CGNL1: variants seen among roughly 807,000 people sequenced by gnomAD.
CGNL1 encodes the protein cingulin-like protein 1.
A neutral mutation model predicts 141.2 loss-of-function variants in CGNL1; 132 were observed. That is an observed-to-expected ratio of 0.93 (90% CI 0.81 to 1.08). CGNL1 has a LOEUF of 1.08. CGNL1 is among the 50% of genes least tolerant of loss of function. The probability of loss-of-function intolerance (pLI) is 0.00; values close to 1 mark genes in which losing one functional copy is unlikely to be tolerated. For synonymous variants in CGNL1, 690 were observed against 622.1 expected (o/e 1.11, Z -1.63); for missense variants, 1,870 against 1,588.6 (o/e 1.18, Z -3.01).
chr15:57,428,751 G>A (rs143891344), intron 1 of CGNL1, among the ~76,000 whole-genome samples: 1,606 of 152,320 alleles, frequency 0.011, 17 homozygotes, highest in Middle Eastern at 0.017. Context: ...TGGGCCGGGC[G>A]TAGTGGCTCA....
chr15:57,403,402 C>G (rs1384812079), intron 1 of CGNL1, among the ~76,000 whole-genome samples: 2 of 152,152 alleles, frequency 1.3e-5, no homozygotes, highest in Non-Finnish European at 2.9e-5. Flanking sequence ...AACCTCCATG[C>G]AAAGAAACAC....
chr15:57,468,443 G>A (rs544567294), intron 8 of CGNL1, among the ~76,000 whole-genome samples: 2 of 151,614 alleles, frequency 1.3e-5, no homozygotes, highest in African/African-American at 2.4e-5. Context: ...CGTTGCTCAG[G>A]CTGGTCTTGA....
chr15:57,514,761 T>C (rs1352752172), intron 8 of CGNL1, among the ~76,000 whole-genome samples: 5 of 152,248 alleles, frequency 3.3e-5, no homozygotes, highest in African/African-American at 1.2e-4. Flanking sequence ...ATGATCCATT[T>C]TGAGTTAACT....
At chr15:57,477,876 T>C (rs1380050554) in intron 8 of CGNL1, among the ~76,000 whole-genome samples, 1 of 152,164 alleles carries the variant, frequency 6.6e-6, no homozygotes, top group Non-Finnish European at 1.5e-5. Context: ...CTCCTGCTGC[T>C]GAACTGGAGA....
At chr15:57,476,318 A>T (rs2063657355) in intron 8 of CGNL1, among the ~76,000 whole-genome samples, 1 of 152,170 alleles carries the variant, frequency 6.6e-6, no homozygotes, top group South Asian at 2.1e-4. Context: ...AGACGCAGGG[A>T]ACTTCTTGAA....
At position 57,524,703 on chromosome 15, in the gene CGNL1, G is replaced by T; in HGVS notation, c.2991G>T (p.Thr997=). ...AEMQRQLKEK[T]LEAEKSRLTA... ...TGCAAAGACAGTTGAAGGAGAAAAC[G>T]CTGGAGGCAGAAAAGTCCCGACTGA... Residue 997 remains threonine, a synonymous_variant, in exon 12 of 19, where the codon ACG becomes ACT. Transcript: ENST00000281282. 1 of 1,614,208 alleles carries T rather than the reference G, an allele frequency of 6.2e-7. No individual in the cohort carries two copies. The highest frequency in any genetic ancestry group is 8.5e-7 in the Non-Finnish European group (1 of 1,180,038).
At chr15:57,527,618 CACTG>C (rs1397939247) in intron 12 of CGNL1, 2 of 152,270 alleles carry the variant, frequency 1.3e-5, no homozygotes, top group East Asian at 1.9e-4. Flanking sequence ...AAGTTCAAGA[CACTG>C]ACTGGCCCTT....
intron 14 of CGNL1, among the ~76,000 whole-genome samples, chr15:57,536,529 A>G (rs181755214): frequency 8.2e-4 from 125 of 152,360 alleles, no homozygotes; most frequent in African/African-American, 2.9e-3. Context: ...AAATAGAAGT[A>G]AGGAGTATCT....
chr15:57,418,011 T>C (rs541500653), intron 1 of CGNL1, among the ~76,000 whole-genome samples: 75 of 152,038 alleles, frequency 4.9e-4, no homozygotes, highest in Non-Finnish European at 8.5e-4. Flanking sequence ...CTTTGGGGGT[T>C]GGTAGTAGAA....
At chr15:57,442,807 G>A (rs1389059315) in intron 4 of CGNL1, among the ~76,000 whole-genome samples, 2 of 152,174 alleles carry the variant, frequency 1.3e-5, no homozygotes, top group East Asian at 1.9e-4. Flanking sequence ...TTAGTAGGGT[G>A]AGGGTTTCAC....
At chr15:57,440,600 A>C in intron 3 of CGNL1, 129 bp downstream of exon 3, 1 of 718,422 alleles carries the variant, frequency 1.4e-6, no homozygotes, top group Non-Finnish European at 2.4e-6. Context: ...GTTAAAACTC[A>C]ATGGCTGGGG....
rs1369418172 is a variant in CGNL1, at chr15:57,549,376, G to C, written c.*1886G>C. 2 of 152,244 alleles carry C rather than the reference G, an allele frequency of 1.3e-5. No individual in the cohort carries two copies. Among genetic ancestry groups the C allele is most frequent in the Non-Finnish European group, 2.9e-5 (2 of 68,076 alleles). The allele number at this position is 152,244 out of a possible 1,614,324, so 9.4% of individuals were successfully genotyped here. A position where few individuals can be genotyped will look rare whatever the true frequency, so the allele number is the denominator to read the frequency against. On this transcript the variant is annotated 3_prime_UTR_variant, in exon 19 of 19. Transcript: ENST00000281282. ...CAATAGGGTGGGGGCCTGTGGGCCA[G>C]AGGACTCCATGACAGTAGCCATGGA...
chr15:57,454,800 C>G (rs922130026), intron 7 of CGNL1, among the ~76,000 whole-genome samples: 1 of 152,080 alleles, frequency 6.6e-6, no homozygotes, highest in African/African-American at 2.4e-5. Context: ...AATACTGCTT[C>G]TCATGGTGCT....
chr15:57,506,104 A>G (rs1259039122), intron 8 of CGNL1, among the ~76,000 whole-genome samples: 2 of 152,188 alleles, frequency 1.3e-5, no homozygotes, highest in Admixed American at 6.5e-5. Flanking sequence ...TGCTGACAGC[A>G]AGCTGATTTG....
intron 1 of CGNL1, among the ~76,000 whole-genome samples, chr15:57,425,894 A>C: frequency 6.6e-6 from 1 of 152,048 alleles, no homozygotes; most frequent in Admixed American, 6.5e-5. Context: ...AAAAATGTAA[A>C]TTGTGAAACT....
intron 1 of CGNL1, among the ~76,000 whole-genome samples, chr15:57,427,525 A>G (rs1288176122): frequency 3.9e-5 from 6 of 152,218 alleles, no homozygotes; most frequent in Non-Finnish European, 1.5e-5. Flanking sequence ...GGATTTTGCA[A>G]TCATTTGGCT....
At chr15:57,418,902 G>A (rs558862889) in intron 1 of CGNL1, among the ~76,000 whole-genome samples, 106 of 150,392 alleles carry the variant, frequency 7.0e-4, no homozygotes, top group African/African-American at 2.5e-3. Flanking sequence ...TGACCACACT[G>A]ACTGCGTCAG....
chr15:57,424,132 G>GCC (rs1435759035), intron 1 of CGNL1, among the ~76,000 whole-genome samples: 1 of 152,150 alleles, frequency 6.6e-6, no homozygotes, highest in Non-Finnish European at 1.5e-5. Context: ...TCTGCCCTCC[G>GCC]CGTCTCCCAC....
In CGNL1 at chr15:57,438,223, C is replaced by G; in HGVS notation, c.224C>G (p.Pro75Arg). ...AGTSFSENGP[P>R]FPPPVINNLP... The stretch of plus-strand genomic sequence containing the variant: ...ACATCGTTTTCTGAAAATGGGCCAC[C>G]CTTTCCACCTCCAGTGATAAATAAC... The change falls in exon 2 of 19, where the codon CCC becomes CGC. Residue 75 changes from proline (P) to arginine (R), a missense_variant. By Grantham distance (103) the Pro-to-Arg change is moderately radical (BLOSUM62 -2). Coordinates refer to ENST00000281282, the MANE Select transcript of CGNL1 (RefSeq NM_032866.5). The G allele has an allele frequency of 6.2e-7, 1 of 1,614,146 alleles. No homozygotes were observed. The highest frequency in any genetic ancestry group is 8.5e-7 in the Non-Finnish European group (1 of 1,180,016).
Sources: gnomAD v4.1 joint callset for allele counts (sites outside exome capture counted in the v4.1 genomes callset) on GRCh38, gnomAD v4.1.1 for gene constraint, MANE v1.5 for transcripts, NCBI Gene and HGNC (gene_info 2026-07-23, HGNC 2026-07-21) for gene names.